Variants in NOL4L observed in about 807,000 individuals in gnomAD.
NOL4L encodes the protein nucleolar protein 4-like.
A neutral mutation model predicts 64.5 loss-of-function variants in NOL4L; 7 were observed. The ratio of observed to expected loss-of-function variants is 0.11; its 90% CI spans 0.06 to 0.20. The LOEUF is 0.20. Among genes scored for constraint, NOL4L ranks in the 10% least tolerant of loss-of-function variants. NOL4L has a pLI of 1.00. For missense variants in NOL4L, 680 were observed against 967.1 expected (o/e 0.70, Z 3.94); for synonymous variants, 413 against 401.0 (o/e 1.03, Z -0.36).
intron 1 of NOL4L, among the ~76,000 whole-genome samples, chr20:32,553,506 A>T (rs940311357): frequency 1.3e-5 from 2 of 152,188 alleles, no homozygotes; most frequent in Non-Finnish European, 2.9e-5. Flanking sequence ...CCTTGGGAAC[A>T]GGAGGCCTCC....
At chr20:32,552,239 C>A (rs1285159593) in intron 1 of NOL4L, among the ~76,000 whole-genome samples, 3 of 151,988 alleles carry the variant, frequency 2.0e-5, no homozygotes, top group Non-Finnish European at 4.4e-5. Context: ...TGCATATGTG[C>A]ATATATATGT....
At chr20:32,516,284 C>CA (rs113609130) in intron 3 of NOL4L, among the ~76,000 whole-genome samples, 4,496 of 139,382 alleles carry the variant, frequency 0.032, 183 homozygotes, top group African/African-American at 0.1. Context: ...CAAAAGGTGG[C>CA]AAAAAAAAAA....
chr20:32,514,450 T>C (rs1332013482), intron 3 of NOL4L, among the ~76,000 whole-genome samples: 2 of 151,518 alleles, frequency 1.3e-5, no homozygotes, highest in African/African-American at 4.9e-5. Context: ...CAAGGTCATG[T>C]CATTGCACTC....
chr20:32,468,797 G>A (rs2014764366), intron 5 of NOL4L, among the ~76,000 whole-genome samples: 1 of 151,760 alleles, frequency 6.6e-6, no homozygotes, highest in African/African-American at 2.4e-5. Context: ...TACTCGGGAG[G>A]CTGAGGCAGG....
intron 4 of NOL4L, among the ~76,000 whole-genome samples, chr20:32,505,605 A>T (rs2017107799): frequency 6.6e-6 from 1 of 152,218 alleles, no homozygotes; most frequent in Non-Finnish European, 1.5e-5. Context: ...CTGTGGTCTC[A>T]GATACTCAGG....
At chr20:32,480,666 C>T (rs183170545) in intron 4 of NOL4L, among the ~76,000 whole-genome samples, 1 of 152,308 alleles carries the variant, frequency 6.6e-6, no homozygotes, top group East Asian at 1.9e-4. Context: ...CAAGAAGGTA[C>T]TGAACCGCAT....
chr20:32,494,971 TG>T (rs766708085), intron 4 of NOL4L, among the ~76,000 whole-genome samples: 3 of 147,990 alleles, frequency 2.0e-5, no homozygotes, highest in Non-Finnish European at 4.4e-5. Context: ...GTGGACTAGA[TG>T]GCAAGGATCC....
chr20:32,487,262 C>T (rs1480243044), intron 4 of NOL4L, among the ~76,000 whole-genome samples: 1 of 151,634 alleles, frequency 6.6e-6, no homozygotes, highest in Non-Finnish European at 1.5e-5. Flanking sequence ...GAGCGAAACT[C>T]CATCTCAAAA....
intron 1 of NOL4L, among the ~76,000 whole-genome samples, chr20:32,540,827 G>A (rs1483115410): frequency 3.3e-5 from 5 of 150,794 alleles, no homozygotes; most frequent in African/African-American, 7.3e-5. Context: ...CCAGCTCCAC[G>A]CAGAACACCT....
At chr20:32,534,005 C>T (rs6119260) in intron 1 of NOL4L, among the ~76,000 whole-genome samples, 1,620 of 152,332 alleles carry the variant, frequency 0.011, 31 homozygotes, top group African/African-American at 0.036. Context: ...GATTGCAGTT[C>T]TGTCATCTCC....
At chr20:32,579,921 A>C in intron 1 of NOL4L, among the ~76,000 whole-genome samples, 1 of 150,362 alleles carries the variant, frequency 6.7e-6, no homozygotes, top group African/African-American at 2.4e-5. Context: ...CCCCACACCC[A>C]TCTTCATGAG....
At chr20:32,526,758 T>C (rs2018147875) in intron 2 of NOL4L, among the ~76,000 whole-genome samples, 1 of 152,194 alleles carries the variant, frequency 6.6e-6, no homozygotes, top group East Asian at 1.9e-4. Flanking sequence ...CCCAGTTTCC[T>C]TAACTGTGAA....
At chr20:32,559,481 A>C (rs953047420) in intron 1 of NOL4L, among the ~76,000 whole-genome samples, 2 of 152,264 alleles carry the variant, frequency 1.3e-5, no homozygotes, top group African/African-American at 4.8e-5. Context: ...AGAGTCAATG[A>C]CAAATTGCCC....
At chr20:32,541,337 T>G (rs182419697) in intron 1 of NOL4L, among the ~76,000 whole-genome samples, 54 of 152,274 alleles carry the variant, frequency 3.5e-4, no homozygotes, top group African/African-American at 1.2e-3. Flanking sequence ...AAGCTGGAGC[T>G]CACTTCTACA....
At chr20:32,461,417 TTTTC>T (rs1555790286) in intron 5 of NOL4L, among the ~76,000 whole-genome samples, 847 of 50,128 alleles carry the variant, frequency 0.017, 34 homozygotes, top group East Asian at 0.099. Context: ...TCTACCTTTC[TTTTC>T]TTTTTTTTTT....
chr20:32,464,930 T>C lies in NOL4L; in HGVS notation c.842-8535A>G, dbSNP rs2014414343. 2.0e-6 allele frequency: 1 copy of C among 495,136 alleles called. No homozygotes were observed. The highest frequency in any genetic ancestry group is 3.9e-5 in the Admixed American group (1 of 25,352). 30.7% of individuals were successfully genotyped at this position (495,136 alleles called of 1,614,324 possible). ...ACGCAGCGTGTATTGCACACCTGTC[T>C]GCACTAGCCTTTTCCAAGGCTCAGT... On this transcript the variant is annotated intron_variant, in intron 5 of 10. Coordinates refer to ENST00000621426, the MANE Select transcript of NOL4L (RefSeq NM_001256798.2). The surrounding 1 kb of genome is among the most constrained non-coding windows in gnomAD (Gnocchi z 5.6).
At chr20:32,539,284 C>A (rs142643585) in intron 1 of NOL4L, among the ~76,000 whole-genome samples, 4 of 152,208 alleles carry the variant, frequency 2.6e-5, no homozygotes, top group South Asian at 2.1e-4. Context: ...ATTCCTCAAT[C>A]GAGCACCCAG....
chr20:32,484,911 C>T (rs1247480679), intron 4 of NOL4L, among the ~76,000 whole-genome samples: 2 of 151,666 alleles, frequency 1.3e-5, no homozygotes, highest in African/African-American at 4.8e-5. Flanking sequence ...CAGAATTAGA[C>T]CCCGATGGAG....
At chr20:32,485,233 G>A (rs2016038501) in intron 4 of NOL4L, among the ~76,000 whole-genome samples, 1 of 152,082 alleles carries the variant, frequency 6.6e-6, no homozygotes, top group African/African-American at 2.4e-5. Context: ...CAGCCACAGC[G>A]ATTGTTTGCA....
Sources: allele counts gnomAD v4.1 joint callset (sites outside exome capture counted in the v4.1 genomes callset), GRCh38; gene constraint gnomAD v4.1.1; non-coding constraint Gnocchi (gnomAD v3.1); transcripts MANE v1.5; gene names NCBI Gene and HGNC (gene_info 2026-07-23, HGNC 2026-07-21).